The following CMSS1 variants were observed in gnomAD, a reference collection of about 807,000 sequenced individuals.
CMSS1 encodes cms1 ribosomal small subunit homolog.
A neutral mutation model predicts 43.5 loss-of-function variants in CMSS1; 33 were observed. The observed-to-expected ratio is 0.76, with a 90% CI of 0.57 to 1.01. The LOEUF is 1.01. Ranked by LOEUF, CMSS1 falls within the 50% of genes least tolerant of loss-of-function variation. The pLI is 0.00. For synonymous variants in CMSS1, 115 were observed against 117.2 expected, an observed-to-expected ratio of 0.98 and a Z score of 0.12; for missense variants, 313 against 326.4, an observed-to-expected ratio of 0.96 and a Z score of 0.32.
intron 1 of CMSS1, among the ~76,000 whole-genome samples, chr3:99,853,252 C>T (rs1026888579): frequency 6.6e-6 from 1 of 152,174 alleles, no homozygotes; most frequent in Non-Finnish European, 1.5e-5. Flanking sequence ...AGAATTCATT[C>T]GATGTAATGG....
chr3:99,818,783 A>T (rs562447303), intron 1 of CMSS1, among the ~76,000 whole-genome samples: 1 of 152,338 alleles, frequency 6.6e-6, no homozygotes, highest in African/African-American at 2.4e-5. Flanking sequence ...AGTTAACACA[A>T]TTTGAATAGT....
At chr3:100,106,879 A>C (rs2066405206) in intron 1 of CMSS1, among the ~76,000 whole-genome samples, 1 of 152,202 alleles carries the variant, frequency 6.6e-6, no homozygotes, top group Non-Finnish European at 1.5e-5. Flanking sequence ...AAATATGCAG[A>C]AAGTTAATAA....
At chr3:99,997,018 A>G (rs755017516) in intron 1 of CMSS1, among the ~76,000 whole-genome samples, 2 of 152,246 alleles carry the variant, frequency 1.3e-5, no homozygotes, top group African/African-American at 2.4e-5. Flanking sequence ...TGGAAAGTTT[A>G]TAGCATTAAA....
chr3:99,971,947 G>C (rs993795677), intron 1 of CMSS1, among the ~76,000 whole-genome samples: 1 of 152,208 alleles, frequency 6.6e-6, no homozygotes, highest in Non-Finnish European at 1.5e-5. Flanking sequence ...GATATATGTA[G>C]TCTTGTTGGG....
chr3:100,066,811 G>A lies in CMSS1; in HGVS notation c.65-80162G>A, dbSNP rs574954076. On this transcript the variant is annotated intron_variant, in intron 1 of 9. Coordinates refer to ENST00000421999, the MANE Select transcript of CMSS1 (RefSeq NM_032359.4). ...CTCCCAAAGTGCTGGGATTACAGGC[G>A]TGGCTTTGCTTCTTAAACCACCCAG... 3.2e-5 allele frequency among the ~76,000 whole-genome samples: 3 copies of A among 94,828 alleles called. No homozygotes were observed. In the East Asian group the frequency reaches 8.2e-4, roughly 26 times the overall value. The allele number at this position is 94,828 out of a possible 152,430, so 62.2% of individuals were successfully genotyped here.
chr3:99,988,511 C>CAAAAAAAAA (rs757175318), intron 1 of CMSS1, among the ~76,000 whole-genome samples: 1 of 47,870 alleles, frequency 2.1e-5, no homozygotes, highest in African/African-American at 6.8e-5. Context: ...GACTCCATCT[C>CAAAAAAAAA]AAAAAAAAAA....
At chr3:99,929,487 AG>A (rs1275859096) in intron 1 of CMSS1, among the ~76,000 whole-genome samples, 1 of 151,868 alleles carries the variant, frequency 6.6e-6, no homozygotes, top group African/African-American at 2.4e-5. Context: ...TTTTTATTAC[AG>A]CCTGGGTACC....
At chr3:100,098,784 T>C (rs2066256160) in intron 1 of CMSS1, among the ~76,000 whole-genome samples, 1 of 152,224 alleles carries the variant, frequency 6.6e-6, no homozygotes, top group Admixed American at 6.5e-5. Flanking sequence ...GATCTGTTTT[T>C]AAAAATGCCT....
chr3:100,029,293 A>C (rs931247026), intron 1 of CMSS1, among the ~76,000 whole-genome samples: 2 of 152,046 alleles, frequency 1.3e-5, no homozygotes, highest in Non-Finnish European at 2.9e-5. Flanking sequence ...AAATTTACTT[A>C]TTTGTACAGA....
intron 1 of CMSS1, among the ~76,000 whole-genome samples, chr3:100,036,977 A>G (rs1030359826): frequency 6.6e-6 from 1 of 152,226 alleles, no homozygotes. Context: ...CAAAAATGTT[A>G]GTATCCTGAA....
chr3:100,062,305 G>A (rs1012342821), intron 1 of CMSS1, among the ~76,000 whole-genome samples: 1 of 151,512 alleles, frequency 6.6e-6, no homozygotes, highest in Admixed American at 6.6e-5. Context: ...TGGAGACGAG[G>A]TTTCACCGTG....
intron 1 of CMSS1, among the ~76,000 whole-genome samples, chr3:99,899,947 G>A (rs973049417): frequency 6.6e-6 from 1 of 152,176 alleles, no homozygotes; most frequent in African/African-American, 2.4e-5. Context: ...TTCCTAAGGT[G>A]CTAAATACGG....
intron 2 of CMSS1, among the ~76,000 whole-genome samples, chr3:100,153,624 A>G (rs2066942593): frequency 1.3e-5 from 2 of 152,124 alleles, no homozygotes; most frequent in Admixed American, 6.5e-5. Context: ...CACCAGTCAC[A>G]TTGAATTGAG....
intron 1 of CMSS1, among the ~76,000 whole-genome samples, chr3:99,842,128 A>T (rs1209565997): frequency 6.6e-6 from 1 of 152,220 alleles, no homozygotes; most frequent in African/African-American, 2.4e-5. Flanking sequence ...TGTGGTATAT[A>T]TACACCATGG....
At chr3:100,047,374 A>G in intron 1 of CMSS1, among the ~76,000 whole-genome samples, 1 of 152,236 alleles carries the variant, frequency 6.6e-6, no homozygotes. Context: ...TCATGCATTT[A>G]AAAATTAATG....
Position 99,914,920 on chromosome 3 carries a change from G to A in CMSS1, c.64+96877G>A, listed in dbSNP as rs576000487. ...AGAGTAGTTGGTGATTTGGGAAAAT[G>A]GTCATGATGTTTTTGTTAGTGAAAA... is the stretch of plus-strand genomic sequence containing the variant. On this transcript the variant is annotated intron_variant, in intron 1 of 9. Coordinates refer to ENST00000421999, the MANE Select transcript of CMSS1 (RefSeq NM_032359.4). 2.0e-5 allele frequency among the ~76,000 whole-genome samples: 3 copies of A among 152,282 alleles called. No individual in the cohort carries two copies. The South Asian group carries it at 6.2e-4, about 32-fold the overall frequency.
At chr3:99,821,400 C>T (rs1434760045) in intron 1 of CMSS1, among the ~76,000 whole-genome samples, 2 of 152,214 alleles carry the variant, frequency 1.3e-5, no homozygotes, top group African/African-American at 2.4e-5. Context: ...TGTCTAGTCA[C>T]TCCATTGGTG....
At chr3:100,115,537 T>C (rs2066551761) in intron 1 of CMSS1, among the ~76,000 whole-genome samples, 2 of 151,090 alleles carry the variant, frequency 1.3e-5, no homozygotes, top group South Asian at 4.2e-4. Flanking sequence ...CCACTGGTTG[T>C]ATTCTCCCTC....
At chr3:100,059,840 A>G (rs2065529576) in intron 1 of CMSS1, among the ~76,000 whole-genome samples, 1 of 152,196 alleles carries the variant, frequency 6.6e-6, no homozygotes, top group South Asian at 2.1e-4. Context: ...AAACTCTGGC[A>G]ACTAATTCAT....
Sources: allele counts gnomAD v4.1 joint callset (sites outside exome capture counted in the v4.1 genomes callset), GRCh38; gene constraint gnomAD v4.1.1; transcripts MANE v1.5; gene names NCBI Gene and HGNC (gene_info 2026-07-23, HGNC 2026-07-21).